The following DIAPH2 variants were observed in gnomAD, a reference collection of about 807,000 sequenced individuals.
DIAPH2 encodes diaphanous related formin 2.
In DIAPH2, 35 loss-of-function variants were observed where a neutral mutation model predicts 92.7. That is an observed-to-expected ratio of 0.38 (90% confidence interval 0.29 to 0.50). The LOEUF (loss-of-function observed/expected upper bound fraction) is 0.50, where lower values mean the gene tolerates loss of function less well. Among genes scored for constraint, DIAPH2 ranks in the 20% least tolerant of loss-of-function variants. The pLI is 0.94. For synonymous variants in DIAPH2, 301 were observed against 280.4 expected, an observed-to-expected ratio of 1.07 and a Z score of -0.73; for missense variants, 701 against 819.5, an observed-to-expected ratio of 0.86 and a Z score of 1.77.
At chrX:97,367,783 A>G (rs369844897) in intron 24 of DIAPH2, among the ~76,000 whole-genome samples, 53 of 108,507 alleles carry the variant, frequency 4.9e-4, no homozygotes, top group African/African-American at 1.7e-3. Context: ...GTTCACTGCA[A>G]CCTCTGCCTC....
At chrX:97,203,189 A>T (rs1468704305) in intron 22 of DIAPH2, among the ~76,000 whole-genome samples, 1 of 112,078 alleles carries the variant, frequency 8.9e-6, no homozygotes, top group African/African-American at 3.2e-5. Context: ...AGGGAACTTT[A>T]TAGCACTAAG....
chrX:97,233,717 A>G (rs1187398762), intron 22 of DIAPH2, among the ~76,000 whole-genome samples: 4 of 111,990 alleles, frequency 3.6e-5, no homozygotes, highest in African/African-American at 1.3e-4. Context: ...TTTTCCTTTT[A>G]TACTGACTGG....
At chrX:97,361,698 C>T in intron 24 of DIAPH2, among the ~76,000 whole-genome samples, 1 of 112,042 alleles carries the variant, frequency 8.9e-6, no homozygotes, top group Admixed American at 9.5e-5. Flanking sequence ...CATGTTGGCT[C>T]TTGGTTGCAC....
intron 17 of DIAPH2, among the ~76,000 whole-genome samples, chrX:97,047,970 A>T (rs772319950): frequency 6.8e-4 from 75 of 110,720 alleles, no homozygotes; most frequent in African/African-American, 2.4e-3. Flanking sequence ...TTAAATAGGT[A>T]TTAAATAGGT....
At chrX:97,150,325 A>G (rs2067277273) in intron 22 of DIAPH2, among the ~76,000 whole-genome samples, 1 of 112,039 alleles carries the variant, frequency 8.9e-6, no homozygotes, top group South Asian at 3.8e-4. Context: ...GTGAGTAAAA[A>G]CAATATCTTC....
chrX:96,883,580 C>T (rs781016498), intron 5 of DIAPH2, among the ~76,000 whole-genome samples: 1 of 109,990 alleles, frequency 9.1e-6, no homozygotes, highest in Non-Finnish European at 1.9e-5. Flanking sequence ...GGGATTTCAC[C>T]ACGTTGGCAG....
chrX:97,375,713 C>T (rs954686066), intron 24 of DIAPH2, among the ~76,000 whole-genome samples: 2 of 111,564 alleles, frequency 1.8e-5, no homozygotes, highest in Admixed American at 9.5e-5. Flanking sequence ...TCTGGACAAC[C>T]TGTCCATTGC....
chrX:96,914,798 G>A (rs1196508890), intron 7 of DIAPH2, among the ~76,000 whole-genome samples: 2 of 111,297 alleles, frequency 1.8e-5, no homozygotes, highest in African/African-American at 3.2e-5. Flanking sequence ...CCACGTTAAT[G>A]TCTTGCACAT....
chrX:97,339,888 T>A (rs1330535546), intron 23 of DIAPH2, among the ~76,000 whole-genome samples: 1 of 112,228 alleles, frequency 8.9e-6, no homozygotes, highest in African/African-American at 3.2e-5. Context: ...ATTAGATATG[T>A]CCCACTTCAC....
chrX:97,414,833 A>C (rs2069924531), intron 25 of DIAPH2, among the ~76,000 whole-genome samples: 1 of 111,571 alleles, frequency 9.0e-6, no homozygotes, highest in Non-Finnish European at 1.9e-5. Context: ...AAACACCAAA[A>C]GCAATGGCAA....
intron 22 of DIAPH2, among the ~76,000 whole-genome samples, chrX:97,236,247 C>G (rs1460791319): frequency 8.9e-6 from 1 of 111,857 alleles, no homozygotes; most frequent in Admixed American, 9.5e-5. Context: ...GTGCAAGAAT[C>G]TGCATATAGT....
chrX:97,194,401 C>G (rs927476795), intron 22 of DIAPH2, among the ~76,000 whole-genome samples: 41 of 109,110 alleles, frequency 3.8e-4, no homozygotes, highest in Non-Finnish European at 6.5e-4. Flanking sequence ...CCTGCCTCAG[C>G]CTCCCGAGTA....
At chrX:97,286,223 A>AT (rs1490485817) in intron 23 of DIAPH2, among the ~76,000 whole-genome samples, 2 of 105,102 alleles carry the variant, frequency 1.9e-5, no homozygotes, top group Non-Finnish European at 3.9e-5. Context: ...TAATTTTTGT[A>AT]TTTTTTTAGT....
chrX:96,774,402 C>T (rs540521706), intron 4 of DIAPH2, among the ~76,000 whole-genome samples: 106 of 111,829 alleles, frequency 9.5e-4, no homozygotes, highest in African/African-American at 3.1e-3. Flanking sequence ...TACAGTCATA[C>T]CTACAACACA....
intron 9 of DIAPH2, 101 bp from the exon 10 acceptor site, chrX:96,930,632 T>C: frequency 2.0e-6 from 1 of 510,931 alleles, no homozygotes. Flanking sequence ...TTTCTTATTT[T>C]ATCATTATGT....
At chrX:97,598,549 A>T (rs2071570535) in intron 26 of DIAPH2, among the ~76,000 whole-genome samples, 1 of 112,026 alleles carries the variant, frequency 8.9e-6, no homozygotes, top group African/African-American at 3.2e-5. Context: ...GATCATTGCA[A>T]TGCAGAGCTG....
intron 26 of DIAPH2, among the ~76,000 whole-genome samples, chrX:97,539,185 G>C (rs2071120552): frequency 9.0e-6 from 1 of 110,643 alleles, no homozygotes; most frequent in Admixed American, 9.6e-5. Context: ...TCAGTGGTCA[G>C]AATGATTCCA....
At chrX:96,859,955 G>A (rs2065063718) in intron 4 of DIAPH2, among the ~76,000 whole-genome samples, 1 of 111,619 alleles carries the variant, frequency 9.0e-6, no homozygotes, top group Non-Finnish European at 1.9e-5. Context: ...TTATGTTTTT[G>A]CATATGTATA....
intron 26 of DIAPH2, among the ~76,000 whole-genome samples, chrX:97,535,120 G>A (rs1486196361): frequency 1.8e-5 from 2 of 111,838 alleles, no homozygotes; most frequent in Non-Finnish European, 3.8e-5. Context: ...CTGAGATCCC[G>A]AAACAGAAAA....
Sources: allele counts gnomAD v4.1 joint callset (sites outside exome capture counted in the v4.1 genomes callset), GRCh38; gene constraint gnomAD v4.1.1; transcripts MANE v1.5; gene names NCBI Gene and HGNC (gene_info 2026-07-23, HGNC 2026-07-21).